The following RASGEF1A variants were observed in gnomAD, a reference collection of about 807,000 sequenced individuals.
RASGEF1A encodes RasGEF domain family member 1A.
RASGEF1A carries 18 observed loss-of-function variants against 56.4 expected under a neutral mutation model. That is an observed-to-expected ratio of 0.32 (90% CI 0.22 to 0.47). RASGEF1A has a LOEUF of 0.47. Ranked by LOEUF, RASGEF1A falls within the 20% of genes least tolerant of loss-of-function variation. RASGEF1A has a pLI of 1.00. For missense variants in RASGEF1A, 422 were observed against 627.1 expected (o/e 0.67, Z 3.49); for synonymous variants, 245 against 242.6 (o/e 1.01, Z -0.09).
intron 1 of RASGEF1A, among the ~76,000 whole-genome samples, chr10:43,264,846 C>T (rs1836596503): frequency 1.3e-5 from 2 of 152,296 alleles, no homozygotes; most frequent in Middle Eastern, 3.4e-3. Context: ...GCCAAACCCC[C>T]TGCCCCCATC....
At chr10:43,219,121 C>A (rs1324363040) in intron 1 of RASGEF1A, among the ~76,000 whole-genome samples, 4 of 152,192 alleles carry the variant, frequency 2.6e-5, no homozygotes, top group Admixed American at 2.6e-4. Context: ...TGCCCTTTCC[C>A]GGCAGGCGCT....
At chr10:43,222,030 A>T (rs1840215504) in intron 1 of RASGEF1A, among the ~76,000 whole-genome samples, 1 of 152,244 alleles carries the variant, frequency 6.6e-6, no homozygotes, top group Non-Finnish European at 1.5e-5. Flanking sequence ...TGCAAACCCC[A>T]GAGTGACTTA....
intron 1 of RASGEF1A, among the ~76,000 whole-genome samples, chr10:43,256,900 T>C (rs1385105598): frequency 6.6e-6 from 1 of 152,190 alleles, no homozygotes; most frequent in Non-Finnish European, 1.5e-5. Context: ...CCCTTCATGG[T>C]TTTGCCCAAA....
chr10:43,212,785 A>G (rs1445678005), intron 1 of RASGEF1A, among the ~76,000 whole-genome samples: 3 of 151,972 alleles, frequency 2.0e-5, no homozygotes, highest in African/African-American at 7.3e-5. Flanking sequence ...GCCTCAATAC[A>G]CCTCAGGGGA....
chr10:43,217,735 G>T (rs1365602287), intron 1 of RASGEF1A, among the ~76,000 whole-genome samples: 1 of 152,174 alleles, frequency 6.6e-6, no homozygotes, highest in Non-Finnish European at 1.5e-5. Context: ...CTCAACAGCA[G>T]GTGCGCCACA....
At chr10:43,250,985 C>A (rs1312726203) in intron 1 of RASGEF1A, among the ~76,000 whole-genome samples, 1 of 152,196 alleles carries the variant, frequency 6.6e-6, no homozygotes, top group Non-Finnish European at 1.5e-5. Flanking sequence ...CAGCAGCGAG[C>A]CTCACAGCTG....
In RASGEF1A at chr10:43,197,238, G is replaced by A; in HGVS notation, c.1225-139C>T. On this transcript the variant is annotated intron_variant, in intron 10 of 12. Coordinates refer to ENST00000395810, the MANE Select transcript of RASGEF1A (RefSeq NM_145313.4). ...GCAAGATGGGACAGTGGCCCTGCAC[G>A]CTGACCCCGTGGCCATGGTGGCACG... is the stretch of plus-strand genomic sequence containing the variant. 24 of 1,013,702 alleles carry A rather than the reference G, an allele frequency of 2.4e-5. No individual in the cohort carries two copies. In the South Asian group the frequency reaches 2.8e-4, roughly 12 times the overall value. 62.8% of individuals were successfully genotyped at this position (1,013,702 alleles called of 1,614,324 possible). A position where few individuals can be genotyped will look rare whatever the true frequency, so the allele number is the denominator to read the frequency against.
intron 1 of RASGEF1A, among the ~76,000 whole-genome samples, chr10:43,266,038 T>C (rs1836617085): frequency 6.6e-6 from 1 of 152,150 alleles, no homozygotes; most frequent in South Asian, 2.1e-4. Context: ...CCACCAGGTC[T>C]CTGCCCCCAG....
intron 2 of RASGEF1A, among the ~76,000 whole-genome samples, chr10:43,205,297 C>T (rs1333619488): frequency 1.3e-5 from 2 of 152,186 alleles, no homozygotes; most frequent in East Asian, 3.9e-4. Context: ...CATCACCCTC[C>T]AGGGGGAGGG....
intron 1 of RASGEF1A, among the ~76,000 whole-genome samples, chr10:43,219,360 C>A (rs1046614124): frequency 1.3e-5 from 2 of 152,192 alleles, no homozygotes; most frequent in African/African-American, 4.8e-5. Flanking sequence ...TCCAGGGAGA[C>A]CCCTAGGGTG....
At chr10:43,235,187 T>G (rs894396456) in intron 1 of RASGEF1A, among the ~76,000 whole-genome samples, 9 of 152,152 alleles carry the variant, frequency 5.9e-5, no homozygotes, top group African/African-American at 9.7e-5. Context: ...AGGGGGTGAA[T>G]GGGAGTCAGC....
intron 1 of RASGEF1A, among the ~76,000 whole-genome samples, chr10:43,212,126 G>C (rs1037753237): frequency 6.6e-6 from 1 of 152,120 alleles, no homozygotes; most frequent in African/African-American, 2.4e-5. Context: ...GCTGGGGCAG[G>C]TTAACACCCT....
At chr10:43,197,947 G>A (rs976122973) in intron 10 of RASGEF1A, 57 bp downstream of exon 10, 60 of 1,463,554 alleles carry the variant, frequency 4.1e-5, no homozygotes, top group Non-Finnish European at 5.3e-5. Flanking sequence ...AATGCCTGGC[G>A]GCTCCAGTAG....
intron 1 of RASGEF1A, among the ~76,000 whole-genome samples, chr10:43,260,617 G>A (rs1836511126): frequency 1.3e-5 from 2 of 152,118 alleles, no homozygotes; most frequent in Non-Finnish European, 2.9e-5. Context: ...GACCCCAGCA[G>A]GCAGACTCCC....
intron 1 of RASGEF1A, among the ~76,000 whole-genome samples, chr10:43,210,480 T>C (rs1840051201): frequency 6.6e-6 from 1 of 152,114 alleles, no homozygotes; most frequent in Non-Finnish European, 1.5e-5. Context: ...CCTCAATCAA[T>C]CAATAAACAA....
Position 43,196,317 on chromosome 10 carries a change from G to T in RASGEF1A, c.1422-49C>A. The T allele has an allele frequency of 6.2e-7, 1 of 1,607,840 alleles. No individual in the cohort carries two copies. The highest frequency in any genetic ancestry group is 1.1e-5 in the South Asian group (1 of 90,798). On this transcript the variant is annotated intron_variant, in intron 12 of 12. Transcript: ENST00000395810. The surrounding 1 kb of genome is among the most constrained non-coding windows in gnomAD (Gnocchi z 4.6). ...TGCTCAGGCCCGAGCAGGGCGGCTT[G>T]GGTCCAAGCCATCCTCAGCCTCCCA...
intron 1 of RASGEF1A, among the ~76,000 whole-genome samples, chr10:43,240,656 T>C (rs1415713179): frequency 3.3e-5 from 5 of 152,044 alleles, no homozygotes; most frequent in African/African-American, 7.2e-5. Context: ...AAAACGTCCA[T>C]TGAGATTATC....
chr10:43,211,832 G>A (rs1335381796), intron 1 of RASGEF1A, among the ~76,000 whole-genome samples: 1 of 152,210 alleles, frequency 6.6e-6, no homozygotes, highest in Non-Finnish European at 1.5e-5. Flanking sequence ...GGAAGCCTCT[G>A]GGTGGCCCTA....
At chr10:43,202,736 G>C (rs1427231165) in intron 3 of RASGEF1A, 3 of 463,240 alleles carry the variant, frequency 6.5e-6, no homozygotes, top group Middle Eastern at 3.5e-4. Flanking sequence ...CACGTTGCCA[G>C]CCTAGGCCCC....
Sources: allele counts gnomAD v4.1 joint callset (sites outside exome capture counted in the v4.1 genomes callset), GRCh38; gene constraint gnomAD v4.1.1; non-coding constraint Gnocchi (gnomAD v3.1); transcripts MANE v1.5; gene names NCBI Gene and HGNC (gene_info 2026-07-23, HGNC 2026-07-21).